The following ZNF891 variants were observed in gnomAD, a reference collection of about 807,000 sequenced individuals.
The protein encoded by ZNF891 is zinc finger protein 891, also known as hCG1646157.
For missense variants in ZNF891, 589 were observed against 632.7 expected (o/e 0.93, Z 0.74); for synonymous variants, 199 against 209.0 (o/e 0.95, Z 0.41).
At chr12:133,129,772 A>G (rs544895100) in intron 1 of ZNF891, among the ~76,000 whole-genome samples, 1 of 152,336 alleles carries the variant, frequency 6.6e-6, no homozygotes, top group South Asian at 2.1e-4. Context: ...TGAATACACC[A>G]GAGTATTAAA....
In ZNF891 at chr12:133,106,188, T is replaced by C. The variant is rs750629798; in HGVS notation, c.*14096A>G. ...ACTGGAGAGAAACCTTATGAATGCA[T>C]TGAATGTGGGAAGGCATTTCGCCGT... On this transcript the variant is annotated 3_prime_UTR_variant, in exon 2 of 2. Transcript: ENST00000537226. 80 of 1,614,078 alleles carry C rather than the reference T, an allele frequency of 5.0e-5. No homozygotes were observed. The East Asian group carries it at 1.2e-3, about 25-fold the overall frequency.
In ZNF891 at chr12:133,117,555, T is replaced by G. The variant is rs1441023960; in HGVS notation, c.*2729A>C. ...CTCATGGCAAACACCAATACTTTTG[T>G]TTGTGCTCTAAACATCTACACCCCA... On this transcript the variant is annotated 3_prime_UTR_variant, in exon 2 of 2. Transcript: ENST00000537226. The G allele has an allele frequency of 6.6e-6, 1 of 152,166 alleles. No individual in the cohort carries two copies. Among genetic ancestry groups the G allele is most frequent in the Non-Finnish European group, 1.5e-5 (1 of 68,022 alleles). 9.4% of individuals were successfully genotyped at this position (152,166 alleles called of 1,614,324 possible).
Position 133,112,274 on chromosome 12 carries a change from T to G in ZNF891, c.*8010A>C, listed in dbSNP as rs1955686994. 1 of 152,054 alleles carries G rather than the reference T, an allele frequency of 6.6e-6. No homozygotes were observed. Among genetic ancestry groups the G allele is most frequent in the African/African-American group, 2.4e-5 (1 of 41,394 alleles). The allele number at this position is 152,054 out of a possible 1,614,324, so 9.4% of individuals were successfully genotyped here. ...GGAGCCAGAAGAAGGAGCTCCCTAC[T>G]CCTTCTTTAACTTCGTATTTCAAGT... is the stretch of plus-strand genomic sequence containing the variant. On this transcript the variant is annotated 3_prime_UTR_variant, in exon 2 of 2. Coordinates refer to ENST00000537226, the MANE Select transcript of ZNF891 (RefSeq NM_001277291.2).
chr12:133,111,881 A>T lies in ZNF891; in HGVS notation c.*8403T>A, dbSNP rs1270795417. ...TAAATAAAAAAGTGAATGCTAAGGA[A>T]ATTAGTTTTTGGCATTCAAATTTCA... is the stretch of plus-strand genomic sequence containing the variant. On this transcript the variant is annotated 3_prime_UTR_variant, in exon 2 of 2. Coordinates refer to ENST00000537226, the MANE Select transcript of ZNF891 (RefSeq NM_001277291.2). The T allele has an allele frequency of 1.3e-5, 2 of 152,198 alleles. No individual in the cohort carries two copies. Among genetic ancestry groups the T allele is most frequent in the Non-Finnish European group, 2.9e-5 (2 of 68,038 alleles). 9.4% of individuals were successfully genotyped at this position (152,198 alleles called of 1,614,324 possible). A position where few individuals can be genotyped will look rare whatever the true frequency, so the allele number is the denominator to read the frequency against.
intron 1 of ZNF891, among the ~76,000 whole-genome samples, chr12:133,128,337 T>C (rs1252031752): frequency 6.6e-6 from 1 of 152,092 alleles, no homozygotes; most frequent in Admixed American, 6.6e-5. Context: ...CCCAGTCAAA[T>C]CAAGAAGCAG....
In ZNF891 at chr12:133,106,346, TATGAATGTG is replaced by T. The variant is rs1415795234; in HGVS notation, c.*13929_*13937del. ...GAGAATTCATGCTGGAGAAAAGCTC[TATGAATGTG>T]ATGAATGTGGTAAAGTTTTCACTTG... is the stretch of plus-strand genomic sequence containing the variant. On this transcript the variant is annotated 3_prime_UTR_variant, in exon 2 of 2. Transcript: ENST00000537226. 21 of 1,614,076 alleles carry T rather than the reference TATGAATGTG, an allele frequency of 1.3e-5. No homozygotes were observed. Among genetic ancestry groups the T allele is most frequent in the Non-Finnish European group, 1.5e-5 (18 of 1,180,042 alleles).
Position 133,122,007 on chromosome 12 carries a change from T to A in ZNF891, c.-89A>T. On this transcript the variant is annotated 5_prime_UTR_variant, in exon 2 of 2. It removes an upstream start codon present in the reference 5' UTR. Coordinates refer to ENST00000537226, the MANE Select transcript of ZNF891 (RefSeq NM_001277291.2). The stretch of plus-strand genomic sequence containing the variant: ...CCAATCCAGTCACAGGAGGGATGCA[T>A]TTCACCCGAAGTTCTCCCTGTAGCC... 7.1e-7 allele frequency: 1 copy of A among 1,401,976 alleles called. No homozygotes were observed. Among genetic ancestry groups the A allele is most frequent in the Non-Finnish European group, 9.3e-7 (1 of 1,080,694 alleles). 86.8% of individuals were successfully genotyped at this position (1,401,976 alleles called of 1,614,324 possible).
At position 133,120,992 on chromosome 12, in the gene ZNF891, C is replaced by T; in HGVS notation, c.927G>A (p.Lys309=). 3 of 1,535,656 alleles carry T rather than the reference C, an allele frequency of 2.0e-6. No individual in the cohort carries two copies. Among genetic ancestry groups the T allele is most frequent in the Non-Finnish European group, 2.6e-6 (3 of 1,146,836 alleles). Residue 309 remains lysine (K), a synonymous_variant, in exon 2 of 2, where the codon AAG becomes AAA. Transcript: ENST00000537226. ...DETLCHQSSL[K]KQGQTHTEKK... ...TTTCAGTATGAGTTTGTCCTTGTTT[C>T]TTAAGGGATGATTGATGACACAGCG... is the stretch of plus-strand genomic sequence containing the variant.
Position 133,108,552 on chromosome 12 carries a change from C to G in ZNF891, c.*11732G>C, listed in dbSNP as rs1488185133. The G allele has an allele frequency of 1.3e-5, 2 of 152,048 alleles. No homozygotes were observed. Among genetic ancestry groups the G allele is most frequent in the Non-Finnish European group, 2.9e-5 (2 of 68,020 alleles). The allele number at this position is 152,048 out of a possible 1,614,324, so 9.4% of individuals were successfully genotyped here. A position where few individuals can be genotyped will look rare whatever the true frequency, so the allele number is the denominator to read the frequency against. The stretch of plus-strand genomic sequence containing the variant: ...ATTTACATAGTCTATGGCTCCTTAC[C>G]TCTATAACTGAAGAGTTTAATATAC... On this transcript the variant is annotated 3_prime_UTR_variant, in exon 2 of 2. Coordinates refer to ENST00000537226, the MANE Select transcript of ZNF891 (RefSeq NM_001277291.2).
rs1555296711 is a variant in ZNF891 at position 133,108,102 on chromosome 12, A to C, written c.*12182T>G. The C allele has an allele frequency of 6.6e-6, 1 of 152,138 alleles. No homozygotes were observed. The highest frequency in any genetic ancestry group is 1.5e-5 in the Non-Finnish European group (1 of 68,022). 9.4% of individuals were successfully genotyped at this position (152,138 alleles called of 1,614,324 possible). ...TAGAAGCTTCTCAAGTTTCCATAAG[A>C]GTTGTTTCAGAGAGGCTGATTTATC... On this transcript the variant is annotated 3_prime_UTR_variant, in exon 2 of 2. Coordinates refer to ENST00000537226, the MANE Select transcript of ZNF891 (RefSeq NM_001277291.2).
In ZNF891 at chr12:133,105,062, CT is replaced by C. The variant is rs1162727322; in HGVS notation, c.*15221del. 4.4e-4 allele frequency among the ~76,000 whole-genome samples: 66 copies of C among 151,428 alleles called. No individual in the cohort carries two copies. The highest frequency in any genetic ancestry group is 8.7e-4 in the African/African-American group (36 of 41,274). ...CATAGGCAAGTTTTCAGAGAAACCGCTTTTTTTTTCATTTAGATTATTATAA... is the reference window on the plus strand; with the variant it reads ...CATAGGCAAGTTTTCAGAGAAACCGCTTTTTTTTCATTTAGATTATTATAA... On this transcript the variant is annotated 3_prime_UTR_variant, in exon 2 of 2. Transcript: ENST00000537226.
chr12:133,120,845 A>G lies in ZNF891; in HGVS notation c.1074T>C (p.Asn358=). 6.4e-7 allele frequency: 1 copy of G among 1,552,510 alleles called. No individual in the cohort carries two copies. The highest frequency in any genetic ancestry group is 8.7e-7 in the Non-Finnish European group (1 of 1,150,722). Residue 358 remains asparagine (N), a synonymous_variant, in exon 2 of 2, where the codon AAT becomes AAC. Coordinates refer to ENST00000537226, the MANE Select transcript of ZNF891 (RefSeq NM_001277291.2). ...CATGTCTCCTTAAGGTTGAGGAATC[A>G]TTGAACACTTTACCACATTCTTTAC... ...YECKECGKVF[N]DSSTLRRHVR...
Position 133,111,540 on chromosome 12 carries a change from A to C in ZNF891, c.*8744T>G, listed in dbSNP as rs12426294. ...AATATTACAGAAATAATTTTTTAAA[A>C]TAAATTCTGCATCATGAACACCCTC... On this transcript the variant is annotated 3_prime_UTR_variant, in exon 2 of 2. Transcript: ENST00000537226. The C allele has an allele frequency of 0.22, 33,407 of 152,174 alleles. 4,306 individuals carry two copies. The highest frequency in any genetic ancestry group is 0.29 in the Non-Finnish European group (19,730 of 68,000). 9.4% of individuals were successfully genotyped at this position (152,174 alleles called of 1,614,324 possible).
chr12:133,127,909 GCAGTCAT>G (rs1353682707), intron 1 of ZNF891, among the ~76,000 whole-genome samples: 11 of 152,150 alleles, frequency 7.2e-5, no homozygotes, highest in Admixed American at 3.9e-4. Context: ...AATAAAAAAG[GCAGTCAT>G]TAAAAACAAG....
chr12:133,106,278 G>A lies in ZNF891; in HGVS notation c.*14006C>T, dbSNP rs1377051604. 4 of 1,614,182 alleles carry A rather than the reference G, an allele frequency of 2.5e-6. No individual in the cohort carries two copies. Among genetic ancestry groups the A allele is most frequent in the South Asian group, 1.1e-5 (1 of 91,086 alleles). ...AAAACCCCGTATGAATGTAATGAAT[G>A]TAGGAAAGCTTTCCGTTGTCACTCA... is the stretch of plus-strand genomic sequence containing the variant. On this transcript the variant is annotated 3_prime_UTR_variant, in exon 2 of 2. Transcript: ENST00000537226.
rs1955731765 is a variant in ZNF891, at chr12:133,119,017, C to T, written c.*1267G>A. ...GAGGACTGCTTGAGCCCAGGAGTTT[C>T]AGACCAGTCTGAGCAATGTAGGAAG... is the stretch of plus-strand genomic sequence containing the variant. On this transcript the variant is annotated 3_prime_UTR_variant, in exon 2 of 2. Transcript: ENST00000537226. 6.6e-6 allele frequency: 1 copy of T among 151,948 alleles called. No homozygotes were observed. The highest frequency in any genetic ancestry group is 2.4e-5 in the African/African-American group (1 of 41,348). 9.4% of individuals were successfully genotyped at this position (151,948 alleles called of 1,614,324 possible). A position where few individuals can be genotyped will look rare whatever the true frequency, so the allele number is the denominator to read the frequency against.
At position 133,121,934 on chromosome 12, in the gene ZNF891, G is replaced by A. The variant is rs1955766778; in HGVS notation, c.-16C>T. On this transcript the variant is annotated 5_prime_UTR_variant, in exon 2 of 2. Transcript: ENST00000537226. ...TAACTGCCATTTTATGAGTACATAAGCCTGCACAGTAGAGTAGAGAGATCA... is the reference window on the plus strand; with the variant it reads ...TAACTGCCATTTTATGAGTACATAAACCTGCACAGTAGAGTAGAGAGATCA... 2.0e-6 allele frequency: 3 copies of A among 1,522,558 alleles called. No homozygotes were observed. In the African/African-American group the frequency reaches 4.1e-5, roughly 21 times the overall value. The allele number at this position is 1,522,558 out of a possible 1,614,324, so 94.3% of individuals were successfully genotyped here.
At chr12:133,123,768 G>C (rs77061820) in intron 1 of ZNF891, among the ~76,000 whole-genome samples, 1 of 141,474 alleles carries the variant, frequency 7.1e-6, no homozygotes, top group Non-Finnish European at 1.6e-5. Context: ...ACAAAGTTAG[G>C]CTTCCTCTTC....
At chr12:133,122,535 G>C (rs923520472) in intron 1 of ZNF891, among the ~76,000 whole-genome samples, 5 of 152,180 alleles carry the variant, frequency 3.3e-5, no homozygotes, top group African/African-American at 1.2e-4. Context: ...CTTTGAAACA[G>C]ATGTTCACTT....
Sources: allele counts gnomAD v4.1 joint callset (sites outside exome capture counted in the v4.1 genomes callset), GRCh38; gene constraint gnomAD v4.1.1; transcripts MANE v1.5; gene names NCBI Gene and HGNC (gene_info 2026-07-23, HGNC 2026-07-21).